Variants in PEX14 observed in about 807,000 individuals in gnomAD.
PEX14 encodes the protein peroxisomal biogenesis factor 14, also known as peroxisomal membrane protein PEX14.
Under a neutral mutation model 49.5 loss-of-function variants are expected in PEX14, and 15 were observed. The ratio of observed to expected loss-of-function variants is 0.30; its 90% confidence interval spans 0.20 to 0.47. PEX14 has a LOEUF of 0.47. Among genes scored for constraint, PEX14 ranks in the 20% least tolerant of loss-of-function variants. PEX14 has a pLI of 1.00. For missense variants in PEX14, 398 were observed against 494.8 expected (o/e 0.80, Z 1.86); for synonymous variants, 210 against 212.7 (o/e 0.99, Z 0.11).
intron 3 of PEX14, among the ~76,000 whole-genome samples, chr1:10,570,667 A>G (rs1002599765): frequency 9.9e-5 from 15 of 151,962 alleles, no homozygotes; most frequent in African/African-American, 3.6e-4. Context: ...ATTTTCCCTC[A>G]AATGTCTGGT....
chr1:10,519,545 A>G (rs992095314), intron 2 of PEX14, among the ~76,000 whole-genome samples: 5 of 152,280 alleles, frequency 3.3e-5, no homozygotes, highest in African/African-American at 1.2e-4. Context: ...TTTGAAGGCC[A>G]CTTCCCAGGT....
chr1:10,607,898 T>C (rs777926049), intron 4 of PEX14, among the ~76,000 whole-genome samples: 61 of 152,358 alleles, frequency 4.0e-4, no homozygotes, highest in Non-Finnish European at 7.2e-4. Flanking sequence ...TTTATCTTTT[T>C]TTCCTTTTAT....
In PEX14 at chr1:10,495,422, T is replaced by C. The variant is rs887257545; in HGVS notation, c.84+101T>C. The stretch of plus-strand genomic sequence containing the variant: ...TATGGTTCTGCGTCAGTAGTGTCCC[T>C]TTAAAAGTAGCTGTTACCTAGAGAC... On this transcript the variant is annotated intron_variant, in intron 2 of 8. Transcript: ENST00000356607. The surrounding 1 kb of genome is among the most constrained non-coding windows in gnomAD (Gnocchi z 4.2). The C allele has an allele frequency of 1.0e-6, 1 of 957,970 alleles. No individual in the cohort carries two copies. 59.3% of individuals were successfully genotyped at this position (957,970 alleles called of 1,614,324 possible). A position where few individuals can be genotyped will look rare whatever the true frequency, so the allele number is the denominator to read the frequency against.
intron 3 of PEX14, among the ~76,000 whole-genome samples, chr1:10,551,307 A>G (rs1409228813): frequency 1.3e-5 from 2 of 152,186 alleles, no homozygotes; most frequent in African/African-American, 4.8e-5. Flanking sequence ...CCATGTGGAA[A>G]TGTCCCTTTT....
At position 10,537,341 on chromosome 1, in the gene PEX14, A is replaced by ACCG. The variant is rs796854134; in HGVS notation, c.169+1046_169+1047insGCC. Among the ~76,000 whole-genome samples the ACCG allele has an allele frequency of 4.1e-3, 118 of 28,450 alleles. 29 individuals are homozygous for ACCG. Among genetic ancestry groups the ACCG allele is most frequent in the Admixed American group, 0.015 (26 of 1,714 alleles). The allele number at this position is 28,450 out of a possible 152,430, so 18.7% of individuals were successfully genotyped here. On this transcript the variant is annotated intron_variant, in intron 3 of 8. Coordinates refer to ENST00000356607, the MANE Select transcript of PEX14 (RefSeq NM_004565.3). ...TGCTCACTGGCTGCATTGTGCCAGCACCCCCCCCCCCCGCCATCATTAGGA... is the reference window on the plus strand; with the variant it reads ...TGCTCACTGGCTGCATTGTGCCAGCACCGCCCCCCCCCCCCGCCATCATTAGGA...
At chr1:10,528,218 C>A (rs1570213053) in intron 2 of PEX14, 1 of 545,516 alleles carries the variant, frequency 1.8e-6, no homozygotes, top group East Asian at 1.5e-4. Flanking sequence ...CATGACACAA[C>A]CTTTCTTCGT....
chr1:10,512,854 C>T lies in PEX14; in HGVS notation c.84+17533C>T, dbSNP rs1353003934. On this transcript the variant is annotated intron_variant, in intron 2 of 8. Transcript: ENST00000356607. The surrounding 1 kb of genome is among the most constrained non-coding windows in gnomAD (Gnocchi z 4.6). The stretch of plus-strand genomic sequence containing the variant: ...CTGGGACTACAGGCGTGTGCCACCA[C>T]GCCCGGCTAATTTTTTGTATTTTTA... Among the ~76,000 whole-genome samples the T allele has an allele frequency of 6.6e-6, 1 of 152,120 alleles. No individual in the cohort carries two copies. The highest frequency in any genetic ancestry group is 2.4e-5 in the African/African-American group (1 of 41,428).
rs530314373 is a variant in PEX14, at chr1:10,557,025, G to A, written c.169+20728G>A. 1.4e-3 allele frequency among the ~76,000 whole-genome samples: 219 copies of A among 152,162 alleles called. 1 individual carries two copies. The highest frequency in any genetic ancestry group is 5.2e-3 in the African/African-American group (216 of 41,510). On this transcript the variant is annotated intron_variant, in intron 3 of 8. Coordinates refer to ENST00000356607, the MANE Select transcript of PEX14 (RefSeq NM_004565.3). The stretch of plus-strand genomic sequence containing the variant: ...TCATTTGAGTAAGTCATTAAGTAAA[G>A]CCAGTCACCTTAGATTTTGCCTCTT...
At chr1:10,551,274 CAT>C (rs1180603695) in intron 3 of PEX14, among the ~76,000 whole-genome samples, 21 of 152,288 alleles carry the variant, frequency 1.4e-4, no homozygotes, top group African/African-American at 4.8e-4. Flanking sequence ...GCCATACACA[CAT>C]GATATTCATG....
At chr1:10,524,504 G>C in intron 2 of PEX14, 1 of 729,468 alleles carries the variant, frequency 1.4e-6, no homozygotes, top group Non-Finnish European at 1.7e-6. Flanking sequence ...TGTAAATTTT[G>C]TGTTATTCAT....
At chr1:10,522,530 G>T (rs1638332918) in intron 2 of PEX14, among the ~76,000 whole-genome samples, 1 of 152,208 alleles carries the variant, frequency 6.6e-6, no homozygotes, top group Non-Finnish European at 1.5e-5. Context: ...GGACCAGATG[G>T]CTCAAGATCT....
chr1:10,579,868 T>C (rs924532587), intron 3 of PEX14, among the ~76,000 whole-genome samples: 1 of 152,016 alleles, frequency 6.6e-6, no homozygotes, highest in Non-Finnish European at 1.5e-5. Context: ...TTGTGCCGAC[T>C]TTCTGTCTCA....
chr1:10,577,524 CTATACATA>C (rs1640156482), intron 3 of PEX14, among the ~76,000 whole-genome samples: 1 of 44,346 alleles, frequency 2.3e-5, no homozygotes, highest in South Asian at 1.1e-3. Flanking sequence ...ATTTTGGACA[CTATACATA>C]TATATATATA....
Position 10,629,520 on chromosome 1 carries a change from T to A in PEX14, c.678-11T>A. 1.3e-6 allele frequency: 2 copies of A among 1,597,534 alleles called. No individual in the cohort carries two copies. The highest frequency in any genetic ancestry group is 4.5e-5 in the East Asian group (2 of 44,774). On this transcript the variant is annotated splice_polypyrimidine_tract_variant and intron_variant, in intron 8 of 8. Coordinates refer to ENST00000356607, the MANE Select transcript of PEX14 (RefSeq NM_004565.3). This position sits in a 1 kb window ranked among gnomAD's most constrained non-coding sequence, Gnocchi z 8.5. ...GCCGCCACCAACCTCCTCCCCTTCT[T>A]CTCCCTCTAGGAGGCAGTTCCCTCC...
Position 10,629,846 on chromosome 1 carries a change from T to G in PEX14, c.993T>G (p.Asp331Glu), listed in dbSNP as rs79954820. The G allele has an allele frequency of 1.7e-4, 268 of 1,607,500 alleles. No homozygotes were observed. In the East Asian group the frequency reaches 2.6e-3, roughly 16 times the overall value. ...EDKEDEEDEE[D>E]DDVSHVDEED... ...AGGAGGACGAGGAGGATGAGGAGGA[T>G]GATGATGTGAGCCATGTGGACGAGG... Residue 331 changes from aspartate (D) to glutamate (E), a missense_variant, in exon 9 of 9, where the codon GAT becomes GAG. Transcript: ENST00000356607. This position sits in a 1 kb window ranked among gnomAD's most constrained non-coding sequence, Gnocchi z 8.5.
intron 2 of PEX14, among the ~76,000 whole-genome samples, chr1:10,530,389 A>G (rs1638611829): frequency 6.6e-6 from 1 of 152,188 alleles, no homozygotes; most frequent in African/African-American, 2.4e-5. Context: ...GAAAACACTT[A>G]ATTTGGGCTG....
chr1:10,555,216 A>C lies in PEX14; in HGVS notation c.169+18919A>C, dbSNP rs1251749977. 3.3e-5 allele frequency among the ~76,000 whole-genome samples: 5 copies of C among 151,732 alleles called. No individual in the cohort carries two copies. The East Asian group carries it at 7.7e-4, about 23-fold the overall frequency. On this transcript the variant is annotated intron_variant, in intron 3 of 8. Coordinates refer to ENST00000356607, the MANE Select transcript of PEX14 (RefSeq NM_004565.3). ...TAGCAGTCTACTTTGGTGGGCTTTT[A>C]CCTCTCCTATCTGCTTTTTTTTTAA...
At chr1:10,524,293 A>C (rs1030576527) in intron 2 of PEX14, 15 of 170,764 alleles carry the variant, frequency 8.8e-5, no homozygotes, top group Non-Finnish European at 1.3e-4. Context: ...GATTTTTGTA[A>C]TTTCCAGGTA....
At chr1:10,556,651 G>A (rs562992475) in intron 3 of PEX14, among the ~76,000 whole-genome samples, 2 of 152,086 alleles carry the variant, frequency 1.3e-5, no homozygotes, top group South Asian at 2.1e-4. Flanking sequence ...TTTCTTCTAC[G>A]GCTTCATTGT....
Sources: gnomAD v4.1 joint callset for allele counts (sites outside exome capture counted in the v4.1 genomes callset) on GRCh38, gnomAD v4.1.1 for gene constraint, Gnocchi (gnomAD v3.1) non-coding constraint, MANE v1.5 for transcripts, NCBI Gene and HGNC (gene_info 2026-07-23, HGNC 2026-07-21) for gene names.